PAN2: variants seen among roughly 807,000 people sequenced by gnomAD.
PAN2 encodes the protein poly(A) specific ribonuclease subunit PAN2, also known as PAN2-PAN3 deadenylation complex catalytic subunit PAN2.
Under a neutral mutation model 133.3 loss-of-function variants are expected in PAN2, and 68 were observed. The observed-to-expected ratio is 0.51, with a 90% CI of 0.42 to 0.62. The LOEUF (loss-of-function observed/expected upper bound fraction) is 0.62, where lower values mean the gene tolerates loss of function less well. Ranked by LOEUF, PAN2 falls within the 20% of genes least tolerant of loss-of-function variation. The probability of loss-of-function intolerance (pLI) is 0.00; values close to 1 mark genes in which losing one functional copy is unlikely to be tolerated. For synonymous variants in PAN2, 462 were observed against 544.6 expected (o/e 0.85, Z 2.11); for missense variants, 1,042 against 1,500.5 (o/e 0.69, Z 5.05).
chr12:56,323,132 G>T lies in PAN2; in HGVS notation c.2423C>A (p.Ser808Tyr), dbSNP rs374183347. The T allele has an allele frequency of 9.1e-5, 147 of 1,614,108 alleles. No homozygotes were observed. Among genetic ancestry groups the T allele is most frequent in the Non-Finnish European group, 1.2e-4 (143 of 1,180,012 alleles). ...GTTTTTGGTCATCTTCATGCGAATG[G>T]AGAAAGGAAGCCAGACGTTCTTCAA... is the stretch of plus-strand genomic sequence containing the variant. ...EELKNVWLPFSIRMKMTKNKG... is the reference protein window; with the variant it reads ...EELKNVWLPFYIRMKMTKNKG... The change falls in exon 17 of 26, where the codon TCC becomes TAC. Residue 808 changes from serine (S) to tyrosine (Y), a missense_variant. By Grantham distance (144) the Ser-to-Tyr change is moderately radical (BLOSUM62 -2). This residue lies in a region of PAN2 where 908 missense variants were observed against 1,223.5 expected (regional missense o/e 0.74). Transcript: ENST00000440411.
intron 2 of PAN2, among the ~76,000 whole-genome samples, chr12:56,330,353 CTTTTT>C (rs10525866): frequency 5.4e-5 from 5 of 92,622 alleles, no homozygotes; most frequent in Non-Finnish European, 5.8e-5. Context: ...CTGTATTTTT[CTTTTT>C]TTTTTTTTTT....
At chr12:56,330,260 GATTAAA>G (rs977315606) in intron 2 of PAN2, among the ~76,000 whole-genome samples, 3 of 148,974 alleles carry the variant, frequency 2.0e-5, no homozygotes, top group Admixed American at 6.7e-5. Flanking sequence ...TAGGAAAAAA[GATTAAA>G]ATTAAAACAA....
chr12:56,326,673 G>A lies in PAN2; in HGVS notation c.1206C>T (p.Leu402=), dbSNP rs1232965599. ...AATCAGAGAGAAGTGTGTCAGTGGT[G>A]AGTGGGACAGGGATGAGGGAAAGAG... ...LLPLSLIPVP[L]TTDTLLSDWP... is the part of the protein sequence containing the mutation. The change falls in exon 7 of 26, where the codon CTC becomes CTT. Residue 402 remains leucine, a synonymous_variant. Coordinates refer to ENST00000440411, the MANE Select transcript of PAN2 (RefSeq NM_014871.6). 1.2e-6 allele frequency: 2 copies of A among 1,613,932 alleles called. No individual in the cohort carries two copies. Among genetic ancestry groups the A allele is most frequent in the East Asian group, 2.2e-5 (1 of 44,892 alleles).
In PAN2 at chr12:56,326,776, T is replaced by C. The variant is rs746110559; in HGVS notation, c.1103A>G (p.Tyr368Cys). 1.9e-6 allele frequency: 3 copies of C among 1,613,310 alleles called. No individual in the cohort carries two copies. Among genetic ancestry groups the C allele is most frequent in the Non-Finnish European group, 2.5e-6 (3 of 1,179,872 alleles). ...TDSPEPSFNPYSRETEFALPC... is the reference protein window; with the variant it reads ...TDSPEPSFNPCSRETEFALPC... ...CAAAGCAAACTCAGTCTCACGGGAG[T>C]AGGGGTTGAAGGAAGGCTCCGGGGA... The change falls in exon 7 of 26, where the codon TAC (tyrosine) becomes TGC (cysteine). Residue 368 changes from tyrosine to cysteine, a missense_variant. Transcript: ENST00000440411.
At chr12:56,318,631 C>CT in intron 24 of PAN2, 197 bp from the exon 25 acceptor site, 1 of 560,280 alleles carries the variant, frequency 1.8e-6, no homozygotes, top group South Asian at 2.4e-5. Flanking sequence ...AACTGAGGGT[C>CT]TCCCCTACTC....
intron 2 of PAN2, among the ~76,000 whole-genome samples, chr12:56,330,882 T>C (rs1397936598): frequency 1.3e-5 from 2 of 152,116 alleles, no homozygotes; most frequent in Non-Finnish European, 2.9e-5. Context: ...CACTGCAACC[T>C]CTGCCTCCCA....
At chr12:56,327,274 A>G (rs1033452374) in intron 6 of PAN2, 90 bp downstream of exon 6, 2 of 1,409,312 alleles carry the variant, frequency 1.4e-6, no homozygotes, top group South Asian at 2.5e-5. Flanking sequence ...TCTTTCCCCA[A>G]CAAAGAGGTT....
At chr12:56,327,177 T>A (rs1875217940) in intron 6 of PAN2, among the ~76,000 whole-genome samples, 187 bp downstream of exon 6, 1 of 152,238 alleles carries the variant, frequency 6.6e-6, no homozygotes, top group African/African-American at 2.4e-5. Flanking sequence ...CTTTACCTTT[T>A]TCCATGTTCC....
chr12:56,327,059 G>T, intron 6 of PAN2, 100 bp from the exon 7 acceptor site: 1 of 1,023,170 alleles, frequency 9.8e-7, no homozygotes. Flanking sequence ...GACAAGATGG[G>T]CCCCAAATCC....
At chr12:56,328,733 A>C in intron 2 of PAN2, 92 bp from the exon 3 acceptor site, 1 of 1,039,692 alleles carries the variant, frequency 9.6e-7, no homozygotes, top group East Asian at 2.5e-5. Flanking sequence ...CTCAGCTTGG[A>C]TCCTTTCTTG....
chr12:56,324,446 G>A lies in PAN2; in HGVS notation c.1776C>T (p.Ala592=), dbSNP rs866945560. 1 of 1,614,160 alleles carries A rather than the reference G, an allele frequency of 6.2e-7. No individual in the cohort carries two copies. The highest frequency in any genetic ancestry group is 8.5e-7 in the Non-Finnish European group (1 of 1,180,030). The change falls in exon 12 of 26, where the codon GCC becomes GCT. Residue 592 remains alanine, a synonymous_variant. Transcript: ENST00000440411. Reference sequence around the variant, plus strand: ...CTGAGTCAGCCAGGATTAGACCGAGGGCTGAGGCCTCAGGAATAGTACGGA... The same window carrying A: ...CTGAGTCAGCCAGGATTAGACCGAGAGCTGAGGCCTCAGGAATAGTACGGA... ...RAFRTIPEAS[A]LGLILADSDE...
chr12:56,319,497 G>A lies in PAN2; in HGVS notation c.3091-10C>T. ...TCAAGTAATCCACCACCTAGGAATA[G>A]AGAAAAGGACAAGCCTTTTTCAGGA... is the stretch of plus-strand genomic sequence containing the variant. On this transcript the variant is annotated splice_polypyrimidine_tract_variant and intron_variant, in intron 22 of 25. Coordinates refer to ENST00000440411, the MANE Select transcript of PAN2 (RefSeq NM_014871.6). The surrounding 1 kb of genome is among the most constrained non-coding windows in gnomAD (Gnocchi z 5.4). 1 of 1,609,490 alleles carries A rather than the reference G, an allele frequency of 6.2e-7. No individual in the cohort carries two copies. The highest frequency in any genetic ancestry group is 1.3e-5 in the African/African-American group (1 of 74,734).
intron 4 of PAN2, 33 bp from the exon 5 acceptor site, chr12:56,328,105 G>A (rs771647725): frequency 8.7e-6 from 14 of 1,611,782 alleles, no homozygotes; most frequent in Admixed American, 1.7e-5. Context: ...CCAGTGAGAA[G>A]AATGATTTTT....
At position 56,326,474 on chromosome 12, in the gene PAN2, C is replaced by T; in HGVS notation, c.1263-65G>A. ...TGTACACTGGTCCACTCCCCAATCC[C>T]CAAGGGTCCAGAGAAAAAGAAAATA... is the stretch of plus-strand genomic sequence containing the variant. On this transcript the variant is annotated intron_variant, in intron 7 of 25. Transcript: ENST00000440411. 5.9e-6 allele frequency: 9 copies of T among 1,525,474 alleles called. No homozygotes were observed. The South Asian group carries it at 8.5e-5, about 14-fold the overall frequency. The allele number at this position is 1,525,474 out of a possible 1,614,324, so 94.5% of individuals were successfully genotyped here.
At chr12:56,320,840 G>A (rs1874423894) in intron 20 of PAN2, among the ~76,000 whole-genome samples, 1 of 149,364 alleles carries the variant, frequency 6.7e-6, no homozygotes, top group African/African-American at 2.5e-5. Flanking sequence ...CAAGGAGGGT[G>A]GATCACGAGG....
Position 56,318,447 on chromosome 12 carries a change from A to T in PAN2, c.3365-13T>A, listed in dbSNP as rs1399496286. On this transcript the variant is annotated splice_polypyrimidine_tract_variant and intron_variant, in intron 24 of 25. Transcript: ENST00000440411. ...TGAATCTTCAGGTCTGGGGTAAGTA[A>T]AGGTGGAATAGTTTGGGACCCAGCA... 6.2e-7 allele frequency: 1 copy of T among 1,609,248 alleles called. No individual in the cohort carries two copies. Among genetic ancestry groups the T allele is most frequent in the South Asian group, 1.1e-5 (1 of 90,982 alleles).
chr12:56,330,119 A>G lies in PAN2; in HGVS notation c.283-1478T>C, dbSNP rs569180755. 4.6e-5 allele frequency among the ~76,000 whole-genome samples: 7 copies of G among 152,140 alleles called. No individual in the cohort carries two copies. The South Asian group carries it at 1.4e-3, about 31-fold the overall frequency. ...TAAAGGAGAGGCACAAGGATAAGTT[A>G]GAGGCATGGAGCTCTGCCTCTTTGT... On this transcript the variant is annotated intron_variant, in intron 2 of 25. Transcript: ENST00000440411.
In PAN2 at chr12:56,327,588, AAC is replaced by A; in HGVS notation, c.693_694del (p.Glu231AspfsTer2). On this transcript the variant is annotated frameshift_variant, in exon 6 of 26. Coordinates refer to ENST00000440411, the MANE Select transcript of PAN2 (RefSeq NM_014871.6). LOFTEE classifies it high-confidence loss of function. The stretch of plus-strand genomic sequence containing the variant: ...TGACAGACTTCCTGAGAAGGCATCA[AAC>A]TCATGTTCCACCTTAAAAGTACGGA... The A allele has an allele frequency of 6.2e-7, 1 of 1,614,188 alleles. No homozygotes were observed. Among genetic ancestry groups the A allele is most frequent in the African/African-American group, 1.3e-5 (1 of 75,062 alleles).
intron 24 of PAN2, 53 bp from the exon 25 acceptor site, chr12:56,318,487 C>A: frequency 2.2e-6 from 3 of 1,393,554 alleles, no homozygotes; most frequent in Non-Finnish European, 3.1e-6. Flanking sequence ...GAGGTAGGAA[C>A]ATGTCTCCCC....
Sources: allele counts gnomAD v4.1 joint callset (sites outside exome capture counted in the v4.1 genomes callset), GRCh38; gene constraint gnomAD v4.1.1; regional missense constraint gnomAD v4.1.1; non-coding constraint Gnocchi (gnomAD v3.1); transcripts MANE v1.5; gene names NCBI Gene and HGNC (gene_info 2026-07-23, HGNC 2026-07-21).